TXNRD3: variants seen among roughly 807,000 people sequenced by gnomAD.
The protein encoded by TXNRD3 is thioredoxin reductase 3, also known as TXNRD3 neighbor gene protein.
In TXNRD3, 68 loss-of-function variants were observed where a neutral mutation model predicts 78.2. That is an observed-to-expected ratio of 0.87 (90% CI 0.72 to 1.06). The LOEUF (loss-of-function observed/expected upper bound fraction) is 1.06, where lower values mean the gene tolerates loss of function less well. TXNRD3 is among the 50% of genes least tolerant of loss of function. The probability of loss-of-function intolerance (pLI) is 0.00; values close to 1 mark genes in which losing one functional copy is unlikely to be tolerated. For missense variants in TXNRD3, 751 were observed against 809.5 expected (o/e 0.93, Z 0.88); for synonymous variants, 296 against 300.1 (o/e 0.99, Z 0.14).
chr3:126,631,417 C>T (rs906495009), intron 8 of TXNRD3, among the ~76,000 whole-genome samples: 5 of 151,804 alleles, frequency 3.3e-5, no homozygotes, highest in Non-Finnish European at 7.4e-5. Context: ...GGTGCTGCTC[C>T]TCCCCAGCTG....
chr3:126,608,337 G>A (rs1021006362), intron 15 of TXNRD3, among the ~76,000 whole-genome samples, 162 bp downstream of exon 15: 8 of 152,098 alleles, frequency 5.3e-5, no homozygotes, highest in Non-Finnish European at 8.8e-5. Flanking sequence ...CTCTAGCCTC[G>A]ATGACAGAGT....
chr3:126,653,420 C>A (rs542009967), intron 1 of TXNRD3, among the ~76,000 whole-genome samples: 1 of 152,126 alleles, frequency 6.6e-6, no homozygotes, highest in Non-Finnish European at 1.5e-5. Flanking sequence ...ATGAAAAACA[C>A]GCTATATAAT....
In TXNRD3 at chr3:126,654,234, T is replaced by G. The variant is rs187497053; in HGVS notation, c.243+514A>C. On this transcript the variant is annotated intron_variant, in intron 1 of 15. Coordinates refer to ENST00000524230, the MANE Select transcript of TXNRD3 (RefSeq NM_052883.3). ...ATTTCATGAACTCAACCCAATAGTT[T>G]ATGCTTTTGCATACTGTCTTCCACG... Among the ~76,000 whole-genome samples, 203 of 152,348 alleles carry G rather than the reference T, an allele frequency of 1.3e-3. No homozygotes were observed. In the Middle Eastern group the frequency reaches 0.017, roughly 13 times the overall value.
At chr3:126,611,191 T>G (rs906924423) in intron 13 of TXNRD3, 59 bp from the exon 14 acceptor site, 4 of 1,096,510 alleles carry the variant, frequency 3.6e-6, no homozygotes, top group East Asian at 2.7e-5. Flanking sequence ...CATTCCTTGA[T>G]AGGCTCTTTA....
At chr3:126,652,551 C>T (rs932452851) in intron 1 of TXNRD3, among the ~76,000 whole-genome samples, 1 of 152,224 alleles carries the variant, frequency 6.6e-6, no homozygotes, top group African/African-American at 2.4e-5. Flanking sequence ...CCAGCCAGAG[C>T]CACTGTCAAG....
At chr3:126,644,078 T>G in intron 4 of TXNRD3, 25 bp from the exon 5 acceptor site, 2 of 1,534,330 alleles carry the variant, frequency 1.3e-6, no homozygotes, top group Non-Finnish European at 1.7e-6. Flanking sequence ...CAACAAAAAT[T>G]ACGTATAAAG....
rs546049057 is a variant in TXNRD3, at chr3:126,625,480, T to A, written c.1291-2940A>T. Among the ~76,000 whole-genome samples, 17 of 152,080 alleles carry A rather than the reference T, an allele frequency of 1.1e-4. No homozygotes were observed. In the South Asian group the frequency reaches 1.2e-3, roughly 11 times the overall value. ...TTCATCCATGTCCCTACAAAGGACA[T>A]GAACTCATCATTTTTATGGCTGCAT... is the stretch of plus-strand genomic sequence containing the variant. On this transcript the variant is annotated intron_variant, in intron 10 of 15. Coordinates refer to ENST00000524230, the MANE Select transcript of TXNRD3 (RefSeq NM_052883.3).
intron 10 of TXNRD3, among the ~76,000 whole-genome samples, chr3:126,626,634 C>T (rs1938585340): frequency 6.6e-6 from 1 of 152,112 alleles, no homozygotes; most frequent in South Asian, 2.1e-4. Context: ...AAGCCAGATG[C>T]CCCTAAAAGT....
intron 10 of TXNRD3, among the ~76,000 whole-genome samples, chr3:126,627,575 T>C (rs2107617330): frequency 6.6e-6 from 1 of 152,320 alleles, no homozygotes; most frequent in African/African-American, 2.4e-5. Context: ...AATTTACAGT[T>C]AGATATTATG....
chr3:126,618,109 A>T (rs973578102), intron 12 of TXNRD3, among the ~76,000 whole-genome samples: 5 of 152,218 alleles, frequency 3.3e-5, no homozygotes, highest in African/African-American at 1.2e-4. Flanking sequence ...ATGCTCATGG[A>T]TTGGAAGAAT....
intron 13 of TXNRD3, among the ~76,000 whole-genome samples, chr3:126,613,501 A>G (rs1245871386): frequency 6.6e-6 from 1 of 152,266 alleles, no homozygotes; most frequent in Non-Finnish European, 1.5e-5. Flanking sequence ...ATTGACAAAC[A>G]TTAACTCAAA....
At chr3:126,628,390 C>G (rs536760172) in intron 10 of TXNRD3, among the ~76,000 whole-genome samples, 1 of 152,140 alleles carries the variant, frequency 6.6e-6, no homozygotes, top group African/African-American at 2.4e-5. Flanking sequence ...AAGAAACAAA[C>G]TGTTATTATT....
Position 126,608,539 on chromosome 3 carries a change from A to T in TXNRD3, c.1823T>A (p.Leu608Gln). 1 of 1,535,972 alleles carries T rather than the reference A, an allele frequency of 6.5e-7. No homozygotes were observed. Among genetic ancestry groups the T allele is most frequent in the Non-Finnish European group, 8.7e-7 (1 of 1,146,856 alleles). Residue 608 changes from leucine to glutamine, a missense_variant, in exon 15 of 16, where the codon CTA becomes CAA. Coordinates refer to ENST00000524230, the MANE Select transcript of TXNRD3 (RefSeq NM_052883.3). ...GTGAATTCCAATGGTGTCATCAAGT[A>T]GCTGTTTTGTGAGCCCACATTTCAT...
Position 126,642,126 on chromosome 3 carries a change from T to G in TXNRD3, c.618A>C (p.Val206=), listed in dbSNP as rs1307189204. The change falls in exon 6 of 16, where the codon GTA becomes GTC. Residue 206 remains valine (V), a synonymous_variant. Transcript: ENST00000524230. ...GCATCAATTTCTTAGGAATACAACC[T>G]ACATTTACACAAGTGCCACCAAGAC... 6.5e-7 allele frequency: 1 copy of G among 1,536,188 alleles called. No individual in the cohort carries two copies.
chr3:126,631,788 C>G lies in TXNRD3; in HGVS notation c.947G>C (p.Gly316Ala). ...CCTAGTAATACAGTATTCTTTATCTCCTTGGATTCCTAAATACCGTGGCCT... is the reference window on the plus strand; with the variant it reads ...CCTAGTAATACAGTATTCTTTATCTGCTTGGATTCCTAAATACCGTGGCCT... Residue 316 changes from glycine (G) to alanine (A), a missense_variant, in exon 8 of 16, where the codon GGA (glycine) becomes GCA (alanine). Coordinates refer to ENST00000524230, the MANE Select transcript of TXNRD3 (RefSeq NM_052883.3). 1 of 1,535,062 alleles carries G rather than the reference C, an allele frequency of 6.5e-7. No homozygotes were observed. The highest frequency in any genetic ancestry group is 8.7e-7 in the Non-Finnish European group (1 of 1,146,062).
intron 13 of TXNRD3, among the ~76,000 whole-genome samples, chr3:126,614,043 C>T (rs1222299436): frequency 2.0e-5 from 3 of 152,070 alleles, no homozygotes; most frequent in Non-Finnish European, 2.9e-5. Flanking sequence ...TTTGACCCTG[C>T]GTAGGCCTAG....
chr3:126,611,254 T>A (rs1047389788), intron 13 of TXNRD3, 122 bp from the exon 14 acceptor site: 5 of 526,724 alleles, frequency 9.5e-6, no homozygotes, highest in Non-Finnish European at 1.5e-5. Context: ...CAAAGTTCAG[T>A]GACCCCAACT....
intron 8 of TXNRD3, among the ~76,000 whole-genome samples, 181 bp from the exon 9 acceptor site, chr3:126,631,118 C>T (rs573607523): frequency 4.4e-4 from 67 of 151,738 alleles, no homozygotes; most frequent in African/African-American, 1.6e-3. Flanking sequence ...AGAAGTATAC[C>T]TCAGATTTTT....
At chr3:126,610,320 T>C (rs556027846) in intron 14 of TXNRD3, among the ~76,000 whole-genome samples, 2 of 152,354 alleles carry the variant, frequency 1.3e-5, no homozygotes, top group East Asian at 3.9e-4. Context: ...TCTCCCCAGA[T>C]GATAAACTCT....
Sources: gnomAD v4.1 joint callset for allele counts (sites outside exome capture counted in the v4.1 genomes callset) on GRCh38, gnomAD v4.1.1 for gene constraint, MANE v1.5 for transcripts, NCBI Gene and HGNC (gene_info 2026-07-23, HGNC 2026-07-21) for gene names.